SYTL1: variants seen among roughly 807,000 people sequenced by gnomAD.
The protein encoded by SYTL1 is synaptotagmin like 1, also known as synaptotagmin-like protein 1.
SYTL1 carries 53 observed loss-of-function variants against 74.6 expected under a neutral mutation model. The ratio of observed to expected loss-of-function variants is 0.71; its 90% CI spans 0.57 to 0.89. The LOEUF (loss-of-function observed/expected upper bound fraction) is 0.89, where lower values mean the gene tolerates loss of function less well. Ranked by LOEUF, SYTL1 falls within the 40% of genes least tolerant of loss-of-function variation. SYTL1 has a pLI of 0.00. For synonymous variants in SYTL1, 329 were observed against 324.9 expected, an observed-to-expected ratio of 1.01 and a Z score of -0.14; for missense variants, 728 against 768.7, an observed-to-expected ratio of 0.95 and a Z score of 0.63.
chr1:27,348,732 TA>T lies in SYTL1; in HGVS notation c.460-341del, dbSNP rs1557541199. Among the ~76,000 whole-genome samples the T allele has an allele frequency of 6.6e-6, 1 of 151,708 alleles. No homozygotes were observed. The highest frequency in any genetic ancestry group is 1.5e-5 in the Non-Finnish European group (1 of 67,962). On this transcript the variant is annotated intron_variant, in intron 5 of 14. Coordinates refer to ENST00000616558, the MANE Select transcript of SYTL1 (RefSeq NM_001193308.2). The surrounding 1 kb of genome is among the most constrained non-coding windows in gnomAD (Gnocchi z 4.1). ...CAATTAAAAATAATAAGAATAAATT[TA>T]AAAAAAGAAAAAAGGTTGTCTACCA...
At chr1:27,349,549 G>GC in intron 7 of SYTL1, 51 bp downstream of exon 7, 1 of 1,471,236 alleles carries the variant, frequency 6.8e-7, no homozygotes, top group African/African-American at 1.4e-5. Context: ...CGGACTCCGG[G>GC]CGGGGAGCGC....
In SYTL1 at chr1:27,350,494, G is replaced by A. The variant is rs1353008857; in HGVS notation, c.1005+9G>A. On this transcript the variant is annotated intron_variant, in intron 10 of 14. Coordinates refer to ENST00000616558, the MANE Select transcript of SYTL1 (RefSeq NM_001193308.2). The surrounding 1 kb of genome is among the most constrained non-coding windows in gnomAD (Gnocchi z 6.3). ...TCAACGAGACTCTCCGGGTGAGGCT[G>A]TGACCACGATGCGGTTCCCCGTTAA... The A allele has an allele frequency of 6.2e-7, 1 of 1,607,350 alleles. No homozygotes were observed.
rs1377128689 is a variant in SYTL1 at position 27,351,276 on chromosome 1, G to C, written c.1183G>C (p.Asp395His). The change falls in exon 12 of 15, where the codon GAC (aspartate) becomes CAC (histidine). Residue 395 changes from aspartate (D) to histidine (H), a missense_variant. Transcript: ENST00000616558. This position sits in a 1 kb window ranked among gnomAD's most constrained non-coding sequence, Gnocchi z 5.0. ...CTCGCAGGTCCCACCCTCTCCCGAC[G>C]ACCTTCCGAGCCGCGGGTTACTCGC... ...LQPRVPPSPDDLPSRGLLALS... is the reference protein window; with the variant it reads ...LQPRVPPSPDHLPSRGLLALS... 6.4e-7 allele frequency: 1 copy of C among 1,560,456 alleles called. No individual in the cohort carries two copies.
In SYTL1 at chr1:27,350,335, A is replaced by G. The variant is rs959347213; in HGVS notation, c.909-54A>G. 2.6e-6 allele frequency: 4 copies of G among 1,550,744 alleles called. No individual in the cohort carries two copies. The African/African-American group carries it at 5.4e-5, about 21-fold the overall frequency. ...ATGGTGGCTGGGGGAGCCCACAGGC[A>G]GGGGAGAAGGCTCTGGGAGGGCCCC... is the stretch of plus-strand genomic sequence containing the variant. On this transcript the variant is annotated intron_variant, in intron 9 of 14. Transcript: ENST00000616558. This position sits in a 1 kb window ranked among gnomAD's most constrained non-coding sequence, Gnocchi z 6.3.
chr1:27,346,572 G>A (rs2015012327), intron 2 of SYTL1, among the ~76,000 whole-genome samples: 2 of 152,020 alleles, frequency 1.3e-5, no homozygotes, highest in Non-Finnish European at 2.9e-5. Context: ...AGACCAGCCT[G>A]GACAACACAG....
In SYTL1 at chr1:27,350,660, C is replaced by T. The variant is rs2015226634; in HGVS notation, c.1006-134C>T. The T allele has an allele frequency of 1.7e-6, 2 of 1,154,070 alleles. No homozygotes were observed. Among genetic ancestry groups the T allele is most frequent in the Non-Finnish European group, 2.5e-6 (2 of 810,218 alleles). The allele number at this position is 1,154,070 out of a possible 1,614,324, so 71.5% of individuals were successfully genotyped here. A position where few individuals can be genotyped will look rare whatever the true frequency, so the allele number is the denominator to read the frequency against. ...TGGTGGGCGTGGTGATAGTGCAGGT[C>T]CCCATTAATGCCCTTAGGGGCTCCC... On this transcript the variant is annotated intron_variant, in intron 10 of 14. Transcript: ENST00000616558. The surrounding 1 kb of genome is among the most constrained non-coding windows in gnomAD (Gnocchi z 6.3).
chr1:27,345,657 T>A lies in SYTL1; in HGVS notation c.191+132T>A. On this transcript the variant is annotated intron_variant, in intron 2 of 14. Transcript: ENST00000616558. The surrounding 1 kb of genome is among the most constrained non-coding windows in gnomAD (Gnocchi z 6.0). ...TTTGCCCTTCAGTCTCCTCTGGCCT[T>A]GGCCAGCTCACAGCTCATCACTTCT... 1 of 604,916 alleles carries A rather than the reference T, an allele frequency of 1.7e-6. No homozygotes were observed. Among genetic ancestry groups the A allele is most frequent in the Non-Finnish European group, 2.8e-6 (1 of 358,984 alleles). The allele number at this position is 604,916 out of a possible 1,614,324, so 37.5% of individuals were successfully genotyped here.
chr1:27,351,136 AG>A lies in SYTL1; in HGVS notation c.1165-120del. 4 of 1,343,880 alleles carry A rather than the reference AG, an allele frequency of 3.0e-6. No homozygotes were observed. Among genetic ancestry groups the A allele is most frequent in the Non-Finnish European group, 4.1e-6 (4 of 987,298 alleles). 83.2% of individuals were successfully genotyped at this position (1,343,880 alleles called of 1,614,324 possible). A position where few individuals can be genotyped will look rare whatever the true frequency, so the allele number is the denominator to read the frequency against. On this transcript the variant is annotated intron_variant, in intron 11 of 14. Coordinates refer to ENST00000616558, the MANE Select transcript of SYTL1 (RefSeq NM_001193308.2). This position sits in a 1 kb window ranked among gnomAD's most constrained non-coding sequence, Gnocchi z 5.0. ...CTTCCCCGAGGGCGCTAGGACCCCT[AG>A]GTTCTGCCCCTGCAGGCCCCGCCGT... is the stretch of plus-strand genomic sequence containing the variant.
Position 27,345,555 on chromosome 1 carries a change from C to A in SYTL1, c.191+30C>A. Reference sequence around the variant, plus strand: ...GGCAGGGCAGACCCTGGCCGGGGAGCACCAAGAGGCTTGAGTGGCCCCCAT... The same window carrying A: ...GGCAGGGCAGACCCTGGCCGGGGAGAACCAAGAGGCTTGAGTGGCCCCCAT... On this transcript the variant is annotated intron_variant, in intron 2 of 14. Transcript: ENST00000616558. The surrounding 1 kb of genome is among the most constrained non-coding windows in gnomAD (Gnocchi z 6.0). The A allele has an allele frequency of 6.8e-7, 1 of 1,471,806 alleles. No individual in the cohort carries two copies. Among genetic ancestry groups the A allele is most frequent in the Non-Finnish European group, 9.2e-7 (1 of 1,086,416 alleles). The allele number at this position is 1,471,806 out of a possible 1,614,324, so 91.2% of individuals were successfully genotyped here.
Position 27,350,371 on chromosome 1 carries a change from G to C in SYTL1, c.909-18G>C. On this transcript the variant is annotated intron_variant, in intron 9 of 14. Coordinates refer to ENST00000616558, the MANE Select transcript of SYTL1 (RefSeq NM_001193308.2). The surrounding 1 kb of genome is among the most constrained non-coding windows in gnomAD (Gnocchi z 6.3). ...CTCTGGGAGGGCCCCTCCTCACCTC[G>C]GGTTCTCACCTCCCCAGCTACGTCA... 3.1e-6 allele frequency: 5 copies of C among 1,610,708 alleles called. No individual in the cohort carries two copies. Among genetic ancestry groups the C allele is most frequent in the Non-Finnish European group, 4.2e-6 (5 of 1,176,932 alleles).
Position 27,350,701 on chromosome 1 carries a change from G to A in SYTL1, c.1006-93G>A. On this transcript the variant is annotated intron_variant, in intron 10 of 14. Transcript: ENST00000616558. This position sits in a 1 kb window ranked among gnomAD's most constrained non-coding sequence, Gnocchi z 6.3. ...AGGGGCTCCCCAGAATTCCATCATGGTAGGAACGCGGTAGGACCTGCCTCA... is the reference window on the plus strand; with the variant it reads ...AGGGGCTCCCCAGAATTCCATCATGATAGGAACGCGGTAGGACCTGCCTCA... 2.7e-6 allele frequency: 4 copies of A among 1,467,740 alleles called. No individual in the cohort carries two copies. The highest frequency in any genetic ancestry group is 3.7e-6 in the Non-Finnish European group (4 of 1,074,372). The allele number at this position is 1,467,740 out of a possible 1,614,324, so 90.9% of individuals were successfully genotyped here.
At chr1:27,349,249 C>G in intron 6 of SYTL1, 97 bp downstream of exon 6, 1 of 1,492,864 alleles carries the variant, frequency 6.7e-7, no homozygotes, top group Non-Finnish European at 9.1e-7. Context: ...TCGTCACCCC[C>G]ACTCCCACCC....
At chr1:27,346,944 C>T (rs2015026058) in intron 2 of SYTL1, among the ~76,000 whole-genome samples, 1 of 151,438 alleles carries the variant, frequency 6.6e-6, no homozygotes, top group South Asian at 2.1e-4. Context: ...ATGGAAAAGC[C>T]CCGTCTCTAC....
At position 27,348,073 on chromosome 1, in the gene SYTL1, G is replaced by C; in HGVS notation, c.459+61G>C. The C allele has an allele frequency of 6.4e-7, 1 of 1,556,108 alleles. No individual in the cohort carries two copies. Among genetic ancestry groups the C allele is most frequent in the Non-Finnish European group, 8.9e-7 (1 of 1,127,774 alleles). On this transcript the variant is annotated intron_variant, in intron 5 of 14. Coordinates refer to ENST00000616558, the MANE Select transcript of SYTL1 (RefSeq NM_001193308.2). The surrounding 1 kb of genome is among the most constrained non-coding windows in gnomAD (Gnocchi z 4.1). ...CTGGAGGGGAGGTGGAATGTGCAGG[G>C]GGCAGGGGGGAAAGAGCCCCAGCCT...
In SYTL1 at chr1:27,347,403, C is replaced by T; in HGVS notation, c.192-18C>T. On this transcript the variant is annotated intron_variant, in intron 2 of 14. Coordinates refer to ENST00000616558, the MANE Select transcript of SYTL1 (RefSeq NM_001193308.2). The surrounding 1 kb of genome is among the most constrained non-coding windows in gnomAD (Gnocchi z 4.9). ...GCTTGGGTGAGTCATGACAGCCACA[C>T]CCTCCCCCTTCCTCCAGCAAGCTCC... 1 of 1,613,910 alleles carries T rather than the reference C, an allele frequency of 6.2e-7. No homozygotes were observed. Among genetic ancestry groups the T allele is most frequent in the Non-Finnish European group, 8.5e-7 (1 of 1,179,996 alleles).
chr1:27,346,358 A>G (rs1308749811), intron 2 of SYTL1, among the ~76,000 whole-genome samples: 1 of 152,182 alleles, frequency 6.6e-6, no homozygotes, highest in Admixed American at 6.5e-5. Flanking sequence ...GTTACAAGCA[A>G]TGTTTGGGGA....
In SYTL1 at chr1:27,347,411, C is replaced by A. The variant is rs1334914184; in HGVS notation, c.192-10C>A. ...GAGTCATGACAGCCACACCCTCCCC[C>A]TTCCTCCAGCAAGCTCCGGGCCTCA... On this transcript the variant is annotated splice_polypyrimidine_tract_variant and intron_variant, in intron 2 of 14. Coordinates refer to ENST00000616558, the MANE Select transcript of SYTL1 (RefSeq NM_001193308.2). This position sits in a 1 kb window ranked among gnomAD's most constrained non-coding sequence, Gnocchi z 4.9. The A allele has an allele frequency of 6.2e-7, 1 of 1,613,890 alleles. No homozygotes were observed. Among genetic ancestry groups the A allele is most frequent in the Non-Finnish European group, 8.5e-7 (1 of 1,180,022 alleles).
rs146666876 is a variant in SYTL1 at position 27,353,376 on chromosome 1, C to T, written c.1437C>T (p.Tyr479=). Residue 479 remains tyrosine, a synonymous_variant, in exon 14 of 15, where the codon TAC becomes TAT. Coordinates refer to ENST00000616558, the MANE Select transcript of SYTL1 (RefSeq NM_001193308.2). ...CTGTGTTCAATCACACCATGGTGTA[C>T]GATGGCTTTGGGCCTGCTGACCTGC... is the stretch of plus-strand genomic sequence containing the variant. ...LSPVFNHTMV[Y]DGFGPADLRQ... 2.3e-4 allele frequency: 368 copies of T among 1,611,540 alleles called. No homozygotes were observed. Among genetic ancestry groups the T allele is most frequent in the Non-Finnish European group, 3.0e-4 (357 of 1,179,288 alleles).
In SYTL1 at chr1:27,348,058, G is replaced by T; in HGVS notation, c.459+46G>T. ...GTGAGTACAGTGTCCCTGGAGGGGA[G>T]GTGGAATGTGCAGGGGGCAGGGGGG... On this transcript the variant is annotated intron_variant, in intron 5 of 14. Transcript: ENST00000616558. The surrounding 1 kb of genome is among the most constrained non-coding windows in gnomAD (Gnocchi z 4.1). 6.3e-7 allele frequency: 1 copy of T among 1,592,292 alleles called. No homozygotes were observed. Among genetic ancestry groups the T allele is most frequent in the Non-Finnish European group, 8.6e-7 (1 of 1,160,300 alleles).
Sources: gnomAD v4.1 joint callset for allele counts (sites outside exome capture counted in the v4.1 genomes callset) on GRCh38, gnomAD v4.1.1 for gene constraint, Gnocchi (gnomAD v3.1) non-coding constraint, MANE v1.5 for transcripts, NCBI Gene and HGNC (gene_info 2026-07-23, HGNC 2026-07-21) for gene names.